COG1: variants seen among roughly 807,000 people sequenced by gnomAD.
COG1 encodes component of oligomeric golgi complex 1.
Under a neutral mutation model 102.2 loss-of-function variants are expected in COG1, and 61 were observed. The ratio of observed to expected loss-of-function variants is 0.60; its 90% CI spans 0.49 to 0.74. The LOEUF (loss-of-function observed/expected upper bound fraction) is 0.74, where lower values mean the gene tolerates loss of function less well. Ranked by LOEUF, COG1 falls within the 30% of genes least tolerant of loss-of-function variation. The pLI, the probability that COG1 is intolerant of heterozygous loss-of-function variation, is 0.00. For synonymous variants in COG1, 454 were observed against 493.6 expected, an observed-to-expected ratio of 0.92 and a Z score of 1.06; for missense variants, 1,164 against 1,232.1, an observed-to-expected ratio of 0.94 and a Z score of 0.83.
intron 13 of COG1, 154 bp from the exon 14 acceptor site, chr17:73,208,160 C>G (rs1568300158): frequency 5.2e-6 from 8 of 1,527,662 alleles, no homozygotes; most frequent in Admixed American, 2.0e-5. Context: ...CTCTTCAAAT[C>G]TGGACCGACA....
Position 73,206,244 on chromosome 17 carries a change from C to A in COG1, c.2601C>A (p.Arg867=), listed in dbSNP as rs758255351. 6.2e-7 allele frequency: 1 copy of A among 1,613,970 alleles called. No individual in the cohort carries two copies. The highest frequency in any genetic ancestry group is 8.5e-7 in the Non-Finnish European group (1 of 1,179,848). The change falls in exon 11 of 14, where the codon CGC becomes CGA. Residue 867 remains arginine (R), a synonymous_variant. Coordinates refer to ENST00000299886, the MANE Select transcript of COG1 (RefSeq NM_018714.3). ...FTPHLNSNLH[R]LVQRTSVLFG... The stretch of plus-strand genomic sequence containing the variant: ...CACACCTCAACAGCAACCTTCATCG[C>A]CTGGTGCAGCGAACTTCTGTGAGTC...
intron 10 of COG1, 124 bp downstream of exon 10, chr17:73,205,804 A>G: frequency 7.7e-7 from 1 of 1,303,926 alleles, no homozygotes; most frequent in Non-Finnish European, 1.1e-6. Flanking sequence ...TTTGAACAGT[A>G]AGTGCTCATA....
At chr17:73,202,969 G>A (rs1001117345) in intron 7 of COG1, 31 bp from the exon 8 acceptor site, 1 of 1,612,812 alleles carries the variant, frequency 6.2e-7, no homozygotes, top group Non-Finnish European at 8.5e-7. Context: ...GATCTGAGTG[G>A]CTTGTATGGA....
chr17:73,193,431 G>A (rs1003384875), intron 1 of COG1, 47 bp downstream of exon 1: 146 of 1,383,380 alleles, frequency 1.1e-4, no homozygotes, highest in Non-Finnish European at 1.3e-4. Flanking sequence ...GGGTCCCGGA[G>A]CCCCTGGCCT....
Position 73,199,726 on chromosome 17 carries a change from C to T in COG1, c.914-139C>T. ...AGTAGCTGCAACTACAGGTGTGCACCATGACGCCTGGCAAATTGTTTCTTT... is the reference window on the plus strand; with the variant it reads ...AGTAGCTGCAACTACAGGTGTGCACTATGACGCCTGGCAAATTGTTTCTTT... On this transcript the variant is annotated intron_variant, in intron 4 of 13. Transcript: ENST00000299886. 3 of 947,894 alleles carry T rather than the reference C, an allele frequency of 3.2e-6. 1 individual carries two copies. Among genetic ancestry groups the T allele is most frequent in the South Asian group, 2.9e-5 (2 of 70,096 alleles). The allele number at this position is 947,894 out of a possible 1,614,324, so 58.7% of individuals were successfully genotyped here. A position where few individuals can be genotyped will look rare whatever the true frequency, so the allele number is the denominator to read the frequency against.
chr17:73,200,471 A>T (rs968707513), intron 5 of COG1, 95 bp from the exon 6 acceptor site: 20 of 1,061,206 alleles, frequency 1.9e-5, no homozygotes, highest in Non-Finnish European at 2.5e-5. Context: ...TGGAACTCAG[A>T]TAAGAGATTG....
rs1196317643 is a variant in COG1 at position 73,208,306 on chromosome 17, A to T, written c.2806-8A>T. The T allele has an allele frequency of 2.5e-6, 4 of 1,613,192 alleles. No homozygotes were observed. The East Asian group carries it at 8.9e-5, about 36-fold the overall frequency. On this transcript the variant is annotated splice_region_variant and splice_polypyrimidine_tract_variant and intron_variant, in intron 13 of 13. Coordinates refer to ENST00000299886, the MANE Select transcript of COG1 (RefSeq NM_018714.3). The stretch of plus-strand genomic sequence containing the variant: ...CTCTAAGGCACTTTTCTCTACATCC[A>T]ATGGCAGGTTGTCCCCCCGGCACGC...
At chr17:73,208,210 C>T (rs779937596) in intron 13 of COG1, 104 bp from the exon 14 acceptor site, 90 of 1,595,172 alleles carry the variant, frequency 5.6e-5, no homozygotes, top group Admixed American at 2.2e-4. Context: ...TTCTCAGCTC[C>T]GCTTGTGTGT....
In COG1 at chr17:73,208,167, G is replaced by A. The variant is rs112178973; in HGVS notation, c.2806-147G>A. ...TCCGTGTCCTCTTCAAATCTGGACC[G>A]ACAGCAAAGTCCTCTGACTAGAGCC... On this transcript the variant is annotated intron_variant, in intron 13 of 13. Coordinates refer to ENST00000299886, the MANE Select transcript of COG1 (RefSeq NM_018714.3). 8.8e-4 allele frequency: 1,357 copies of A among 1,535,552 alleles called. 4 individuals are homozygous for A. The highest frequency in any genetic ancestry group is 7.9e-3 in the Middle Eastern group (34 of 4,312).
chr17:73,203,576 C>A, intron 8 of COG1, 56 bp from the exon 9 acceptor site: 1 of 1,601,574 alleles, frequency 6.2e-7, no homozygotes, highest in Non-Finnish European at 8.6e-7. Flanking sequence ...TTCACTTTCA[C>A]TGTGTGTCAT....
At chr17:73,208,146 T>C (rs1354465079) in intron 13 of COG1, 168 bp from the exon 14 acceptor site, 1 of 1,512,918 alleles carries the variant, frequency 6.6e-7, no homozygotes, top group Non-Finnish European at 8.8e-7. Context: ...TGCTGTTCCG[T>C]GTCCTCTTCA....
At chr17:73,194,126 G>T (rs1210442278) in intron 1 of COG1, among the ~76,000 whole-genome samples, 1 of 151,970 alleles carries the variant, frequency 6.6e-6, no homozygotes, top group African/African-American at 2.4e-5. Context: ...TCCTCATATT[G>T]GAGCTGCAGC....
In COG1 at chr17:73,201,738, G is replaced by A. The variant is rs1568297093; in HGVS notation, c.1911G>A (p.Glu637=). The A allele has an allele frequency of 9.3e-6, 15 of 1,614,172 alleles. No individual in the cohort carries two copies. Among genetic ancestry groups the A allele is most frequent in the Non-Finnish European group, 1.1e-5 (13 of 1,180,032 alleles). The change falls in exon 7 of 14, where the codon GAG becomes GAA. Residue 637 remains glutamate (E), a synonymous_variant. Transcript: ENST00000299886. ...AGCAGTGCATCCTGGGAAAATCAGA[G>A]AGCTCAGAGAAACCAGCAAGGGAGT... ...HLKQCILGKS[E]SSEKPAREFR...
In COG1 at chr17:73,201,690, G is replaced by A. The variant is rs1213260716; in HGVS notation, c.1863G>A (p.Leu621=). The change falls in exon 7 of 14, where the codon CTG becomes CTA. Residue 621 remains leucine, a synonymous_variant. Coordinates refer to ENST00000299886, the MANE Select transcript of COG1 (RefSeq NM_018714.3). The part of the protein sequence containing the change: ...VLFMARLCQS[L]GELCPHLKQC... ...TCATGGCCAGACTCTGCCAGTCCCT[G>A]GGAGAGCTGTGCCCCCATCTGAAGC... The A allele has an allele frequency of 6.2e-7, 1 of 1,614,208 alleles. No individual in the cohort carries two copies. Among genetic ancestry groups the A allele is most frequent in the Middle Eastern group, 1.6e-4 (1 of 6,062 alleles).
In COG1 at chr17:73,194,511, T is replaced by TG. The variant is rs1056514678; in HGVS notation, c.315+1129dup. On this transcript the variant is annotated intron_variant, in intron 1 of 13. Transcript: ENST00000299886. The stretch of plus-strand genomic sequence containing the variant: ...CAGGATCTCGCTCTGTCACCCAGGC[T>TG]GGAGTGCAGTGGCGCGATCTCGGCT... Among the ~76,000 whole-genome samples the TG allele has an allele frequency of 8.7e-4, 124 of 141,842 alleles. 2 individuals are homozygous for TG. The Middle Eastern group carries it at 0.021, about 24-fold the overall frequency. 93.1% of individuals were successfully genotyped at this position (141,842 alleles called of 152,430 possible).
chr17:73,199,729 G>T, intron 4 of COG1, 136 bp from the exon 5 acceptor site: 2 of 973,164 alleles, frequency 2.1e-6, no homozygotes, highest in Non-Finnish European at 3.2e-6. Flanking sequence ...TGTGCACCAT[G>T]ACGCCTGGCA....
chr17:73,206,663 T>C, intron 11 of COG1, 45 bp from the exon 12 acceptor site: 1 of 1,309,508 alleles, frequency 7.6e-7, no homozygotes, highest in Non-Finnish European at 1.1e-6. Context: ...TTTGCCTTTC[T>C]TTTACCTGCA....
At chr17:73,199,563 A>C (rs2061338483) in intron 4 of COG1, among the ~76,000 whole-genome samples, 1 of 152,058 alleles carries the variant, frequency 6.6e-6, no homozygotes, top group Non-Finnish European at 1.5e-5. Flanking sequence ...AATTTCTTCT[A>C]AGTCCATCTT....
chr17:73,201,519 G>A lies in COG1; in HGVS notation c.1692G>A (p.Gly564=), dbSNP rs774273724. The A allele has an allele frequency of 6.2e-7, 1 of 1,614,126 alleles. No homozygotes were observed. The highest frequency in any genetic ancestry group is 8.5e-7 in the Non-Finnish European group (1 of 1,180,060). ...SSAFDRYADA[G]TVQEMLRTQS... is the part of the protein sequence containing the mutation. ...CCTTTGACAGATACGCAGATGCGGG[G>A]ACCGTGCAGGAGATGCTGCGGACTC... Residue 564 remains glycine (G), a synonymous_variant, in exon 7 of 14, where the codon GGG becomes GGA. Transcript: ENST00000299886.
Sources: gnomAD v4.1 joint callset for allele counts (sites outside exome capture counted in the v4.1 genomes callset) on GRCh38, gnomAD v4.1.1 for gene constraint, MANE v1.5 for transcripts, NCBI Gene and HGNC (gene_info 2026-07-23, HGNC 2026-07-21) for gene names.